Variants in PTPRT observed in about 807,000 individuals in gnomAD.
PTPRT encodes protein tyrosine phosphatase receptor type T.
PTPRT carries 56 observed loss-of-function variants against 176.8 expected under a neutral mutation model. The ratio of observed to expected loss-of-function variants is 0.32; its 90% confidence interval spans 0.26 to 0.40. The LOEUF (loss-of-function observed/expected upper bound fraction) is 0.40. Among genes scored for constraint, PTPRT ranks in the 10% least tolerant of loss-of-function variants. PTPRT has a pLI of 1.00. For synonymous variants in PTPRT, 783 were observed against 739.0 expected, an observed-to-expected ratio of 1.06 and a Z score of -0.96; for missense variants, 1,540 against 1,908.2, an observed-to-expected ratio of 0.81 and a Z score of 3.60.
intron 1 of PTPRT, among the ~76,000 whole-genome samples, chr20:42,988,290 A>C (rs1270599458): frequency 6.6e-6 from 1 of 152,228 alleles, no homozygotes; most frequent in Non-Finnish European, 1.5e-5. Context: ...CCTAGGAGTC[A>C]GGCGTGAAAA....
At chr20:42,220,218 G>A (rs78731182) in intron 15 of PTPRT, among the ~76,000 whole-genome samples, 1 of 152,048 alleles carries the variant, frequency 6.6e-6, no homozygotes, top group South Asian at 2.1e-4. Flanking sequence ...CTATAAAATG[G>A]TGATGAAAGA....
At chr20:42,814,298 G>A (rs1470794476) in intron 2 of PTPRT, among the ~76,000 whole-genome samples, 1 of 151,896 alleles carries the variant, frequency 6.6e-6, no homozygotes, top group Admixed American at 6.6e-5. Context: ...AATCTATTAC[G>A]TATTTGTCAA....
intron 9 of PTPRT, among the ~76,000 whole-genome samples, chr20:42,357,869 G>A (rs181046286): frequency 1.2e-4 from 19 of 152,224 alleles, no homozygotes; most frequent in Non-Finnish European, 1.8e-4. Flanking sequence ...AGCCACAATC[G>A]CGGCACAGCA....
At chr20:42,902,457 C>T (rs890280314) in intron 1 of PTPRT, among the ~76,000 whole-genome samples, 1 of 152,134 alleles carries the variant, frequency 6.6e-6, no homozygotes, top group African/African-American at 2.4e-5. Flanking sequence ...CCAGGTGCTC[C>T]CACCTTGGCC....
intron 3 of PTPRT, among the ~76,000 whole-genome samples, chr20:42,788,327 G>A (rs1262120984): frequency 2.0e-5 from 3 of 152,070 alleles, no homozygotes; most frequent in Non-Finnish European, 4.4e-5. Context: ...ACAAGCAGAT[G>A]AGAATAGGGA....
chr20:42,731,222 T>C (rs1334123253), intron 6 of PTPRT, among the ~76,000 whole-genome samples: 1 of 152,252 alleles, frequency 6.6e-6, no homozygotes, highest in East Asian at 1.9e-4. Context: ...ACCCTGGTTC[T>C]GGCACCAGAC....
intron 7 of PTPRT, among the ~76,000 whole-genome samples, chr20:42,494,442 A>G (rs2071615487): frequency 1.3e-5 from 2 of 152,102 alleles, no homozygotes; most frequent in African/African-American, 4.8e-5. Flanking sequence ...CATACCTGTA[A>G]AAGGAAATAC....
chr20:43,153,520 C>A (rs749222822), intron 1 of PTPRT, among the ~76,000 whole-genome samples: 6 of 152,110 alleles, frequency 3.9e-5, no homozygotes, highest in Non-Finnish European at 8.8e-5. Context: ...TAGTTCCCTG[C>A]CTTCAGGAGA....
At position 42,535,625 on chromosome 20, in the gene PTPRT, A is replaced by G. The variant is rs145790277; in HGVS notation, c.1154-63063T>C. The stretch of plus-strand genomic sequence containing the variant: ...TAGAGCTATTGTGGGGGCTACCATC[A>G]GTGCTAACTTTTGGGGAATAAAAGG... On this transcript the variant is annotated intron_variant, in intron 7 of 30. Coordinates refer to ENST00000373187, the MANE Select transcript of PTPRT (RefSeq NM_007050.6). Among the ~76,000 whole-genome samples, 698 of 152,336 alleles carry G rather than the reference A, an allele frequency of 4.6e-3. 4 individuals are homozygous for G. The highest frequency in any genetic ancestry group is 0.016 in the African/African-American group (666 of 41,566).
At chr20:42,754,395 AG>A (rs2076801715) in intron 6 of PTPRT, among the ~76,000 whole-genome samples, 2 of 151,880 alleles carry the variant, frequency 1.3e-5, no homozygotes, top group Non-Finnish European at 2.9e-5. Flanking sequence ...CATGTTGGCC[AG>A]GCTGGTCTCA....
intron 7 of PTPRT, among the ~76,000 whole-genome samples, chr20:42,520,409 T>C (rs1241965796): frequency 6.6e-6 from 1 of 152,144 alleles, no homozygotes; most frequent in African/African-American, 2.4e-5. Context: ...ATGACTTTTA[T>C]AATAACCCCT....
At chr20:43,130,813 TCAAAAAAA>T (rs1568803077) in intron 1 of PTPRT, among the ~76,000 whole-genome samples, 3 of 121,692 alleles carry the variant, frequency 2.5e-5, no homozygotes, top group African/African-American at 8.6e-5. Context: ...GGAAGGATTT[TCAAAAAAA>T]AAAAAAAAGG....
At chr20:42,463,341 C>T (rs2071052271) in intron 8 of PTPRT, among the ~76,000 whole-genome samples, 1 of 152,068 alleles carries the variant, frequency 6.6e-6, no homozygotes, top group South Asian at 2.1e-4. Context: ...TATTTAACAG[C>T]ATGGAACTTT....
At chr20:42,261,164 T>C (rs1342736545) in intron 13 of PTPRT, among the ~76,000 whole-genome samples, 1 of 152,300 alleles carries the variant, frequency 6.6e-6, no homozygotes, top group South Asian at 2.1e-4. Flanking sequence ...ATGGTCCTTC[T>C]GAGACTGTGG....
At chr20:42,581,230 T>TATCA (rs1167241268) in intron 7 of PTPRT, among the ~76,000 whole-genome samples, 5 of 152,180 alleles carry the variant, frequency 3.3e-5, no homozygotes, top group Non-Finnish European at 7.4e-5. Context: ...TTTGTCAATA[T>TATCA]ATCACTTCCT....
At chr20:42,810,587 T>C (rs752046411) in intron 2 of PTPRT, among the ~76,000 whole-genome samples, 5 of 152,236 alleles carry the variant, frequency 3.3e-5, no homozygotes, top group Non-Finnish European at 7.3e-5. Flanking sequence ...GTTCTGAAGC[T>C]TACCATTGTA....
intron 11 of PTPRT, among the ~76,000 whole-genome samples, chr20:42,339,976 G>A (rs1395473141): frequency 6.6e-6 from 1 of 151,998 alleles, no homozygotes; most frequent in African/African-American, 2.4e-5. Context: ...CTCCCCAAAC[G>A]CCTGCCAAAT....
At chr20:42,451,322 G>C (rs978911949) in intron 8 of PTPRT, among the ~76,000 whole-genome samples, 1 of 152,122 alleles carries the variant, frequency 6.6e-6, no homozygotes, top group African/African-American at 2.4e-5. Context: ...TATAGAGAGG[G>C]AGCCTTAAAG....
chr20:42,303,102 C>A (rs548535855), intron 12 of PTPRT, among the ~76,000 whole-genome samples: 1 of 152,182 alleles, frequency 6.6e-6, no homozygotes. Context: ...GAGCTGGCAA[C>A]CCCCTGGTTT....
Sources: gnomAD v4.1 joint callset for allele counts (sites outside exome capture counted in the v4.1 genomes callset) on GRCh38, gnomAD v4.1.1 for gene constraint, MANE v1.5 for transcripts, NCBI Gene and HGNC (gene_info 2026-07-23, HGNC 2026-07-21) for gene names.